GAS2: variants seen among roughly 807,000 people sequenced by gnomAD.
The protein encoded by GAS2 is growth arrest specific 2, also known as growth arrest-specific protein 2.
GAS2 carries 20 observed loss-of-function variants against 37.5 expected under a neutral mutation model. The observed-to-expected ratio is 0.53, with a 90% confidence interval of 0.37 to 0.77. The LOEUF is 0.77. Among genes scored for constraint, GAS2 ranks in the 30% least tolerant of loss-of-function variants. The probability of loss-of-function intolerance (pLI) is 0.00; values close to 1 mark genes in which losing one functional copy is unlikely to be tolerated. For synonymous variants in GAS2, 144 were observed against 132.2 expected, an observed-to-expected ratio of 1.09 and a Z score of -0.61; for missense variants, 336 against 373.4, an observed-to-expected ratio of 0.90 and a Z score of 0.82.
intron 3 of GAS2, among the ~76,000 whole-genome samples, chr11:22,703,678 C>T (rs1850958957): frequency 6.6e-6 from 1 of 152,068 alleles, no homozygotes; most frequent in African/African-American, 2.4e-5. Flanking sequence ...TGGTACATTA[C>T]AGAGTAATGG....
intron 5 of GAS2, among the ~76,000 whole-genome samples, chr11:22,738,998 A>G (rs1386816071): frequency 1.3e-5 from 2 of 152,158 alleles, no homozygotes; most frequent in Non-Finnish European, 2.9e-5. Flanking sequence ...TTCCCAGTTA[A>G]TTGTGGGAAG....
intron 2 of GAS2, among the ~76,000 whole-genome samples, chr11:22,685,437 A>G (rs1849893417): frequency 6.6e-6 from 1 of 152,234 alleles, no homozygotes; most frequent in Non-Finnish European, 1.5e-5. Context: ...TATTTGAAAT[A>G]AAACTGTTAT....
intron 7 of GAS2, among the ~76,000 whole-genome samples, chr11:22,764,339 T>C (rs991960079): frequency 1.3e-5 from 2 of 151,868 alleles, no homozygotes; most frequent in Non-Finnish European, 2.9e-5. Flanking sequence ...GGCGGGCGGA[T>C]CACGAGGTCA....
intron 1 of GAS2, among the ~76,000 whole-genome samples, chr11:22,660,095 A>G (rs569796540): frequency 1.3e-5 from 2 of 152,286 alleles, no homozygotes; most frequent in African/African-American, 4.8e-5. Context: ...TCATTAGGTA[A>G]GCTTTTTAAA....
At chr11:22,634,274 C>T (rs1590551291) in intron 1 of GAS2, among the ~76,000 whole-genome samples, 4 of 152,098 alleles carry the variant, frequency 2.6e-5, no homozygotes, top group Non-Finnish European at 4.4e-5. Flanking sequence ...GGAAACTGCT[C>T]CCATGATTCA....
At chr11:22,640,158 G>C (rs1306645078) in intron 1 of GAS2, among the ~76,000 whole-genome samples, 1 of 152,166 alleles carries the variant, frequency 6.6e-6, no homozygotes, top group Non-Finnish European at 1.5e-5. Flanking sequence ...TGCGGGCACA[G>C]ATCTAAATGT....
At chr11:22,657,287 A>C (rs1848866765) in intron 1 of GAS2, among the ~76,000 whole-genome samples, 1 of 152,204 alleles carries the variant, frequency 6.6e-6, no homozygotes, top group Non-Finnish European at 1.5e-5. Flanking sequence ...ACAGGGTAAC[A>C]GCAAGCTGGA....
intron 5 of GAS2, among the ~76,000 whole-genome samples, chr11:22,739,109 T>G (rs928845809): frequency 1.3e-5 from 2 of 152,174 alleles, no homozygotes; most frequent in African/African-American, 4.8e-5. Context: ...GACTTCGTTC[T>G]CTATCATTGC....
chr11:22,698,389 C>T (rs1200130109), intron 3 of GAS2, among the ~76,000 whole-genome samples: 2 of 151,910 alleles, frequency 1.3e-5, no homozygotes, highest in Non-Finnish European at 1.5e-5. Context: ...AGCTTACCAA[C>T]CAAAAAGAGT....
chr11:22,770,212 C>G (rs905657932), intron 7 of GAS2, among the ~76,000 whole-genome samples: 6 of 152,090 alleles, frequency 3.9e-5, no homozygotes, highest in Admixed American at 1.3e-4. Flanking sequence ...GGTTTAAAAC[C>G]TAGGTGACAG....
At chr11:22,750,393 A>ATT in intron 6 of GAS2, among the ~76,000 whole-genome samples, 1 of 152,206 alleles carries the variant, frequency 6.6e-6, no homozygotes, top group South Asian at 2.1e-4. Context: ...GAGCCGAAAT[A>ATT]TAACAGTTTG....
intron 7 of GAS2, among the ~76,000 whole-genome samples, chr11:22,780,557 C>CAAAAAAA (rs34289288): frequency 7.8e-5 from 7 of 90,316 alleles, no homozygotes; most frequent in African/African-American, 2.7e-4. Context: ...GACTCTGTCT[C>CAAAAAAA]AAAAAAAAAA....
intron 7 of GAS2, among the ~76,000 whole-genome samples, chr11:22,797,353 C>A (rs1040491684): frequency 1.3e-5 from 2 of 152,040 alleles, no homozygotes; most frequent in Non-Finnish European, 2.9e-5. Context: ...AAGCTGAATT[C>A]CCTCCCCCAC....
At chr11:22,713,379 G>A (rs1368811518) in intron 3 of GAS2, among the ~76,000 whole-genome samples, 1 of 151,892 alleles carries the variant, frequency 6.6e-6, no homozygotes, top group Non-Finnish European at 1.5e-5. Context: ...CCAAACATAA[G>A]AATAATTGGT....
At chr11:22,797,773 GCTAA>G (rs1320425693) in intron 7 of GAS2, among the ~76,000 whole-genome samples, 2 of 152,082 alleles carry the variant, frequency 1.3e-5, no homozygotes, top group East Asian at 1.9e-4. Flanking sequence ...GCTGGCTGCT[GCTAA>G]CTTTCAGCAT....
chr11:22,648,763 T>C (rs1261977638), intron 1 of GAS2, among the ~76,000 whole-genome samples: 9 of 152,212 alleles, frequency 5.9e-5, no homozygotes, highest in Non-Finnish European at 8.8e-5. Flanking sequence ...GTGATTTTTG[T>C]ACATTGATTT....
intron 3 of GAS2, among the ~76,000 whole-genome samples, chr11:22,706,866 G>C: frequency 6.6e-6 from 1 of 151,994 alleles, no homozygotes; most frequent in African/African-American, 2.4e-5. Context: ...AGGATGGCTG[G>C]GTCAAATGGT....
At chr11:22,653,540 A>G (rs1388310646) in intron 1 of GAS2, among the ~76,000 whole-genome samples, 1 of 152,240 alleles carries the variant, frequency 6.6e-6, no homozygotes, top group African/African-American at 2.4e-5. Flanking sequence ...AGATGAAAAT[A>G]TAATGTGAGC....
At chr11:22,780,281 G>T (rs1290984655) in intron 7 of GAS2, among the ~76,000 whole-genome samples, 1 of 152,092 alleles carries the variant, frequency 6.6e-6, no homozygotes, top group Non-Finnish European at 1.5e-5. Flanking sequence ...TGGATCACGA[G>T]GTCAGGAGAT....
Sources: allele counts gnomAD v4.1 joint callset (sites outside exome capture counted in the v4.1 genomes callset), GRCh38; gene constraint gnomAD v4.1.1; transcripts MANE v1.5; gene names NCBI Gene and HGNC (gene_info 2026-07-23, HGNC 2026-07-21).